The following ADARB1 variants were observed in gnomAD, a reference collection of about 807,000 sequenced individuals.
ADARB1 encodes the protein adenosine deaminase RNA specific B1.
Under a neutral mutation model 52.4 loss-of-function variants are expected in ADARB1, and 10 were observed. The ratio of observed to expected loss-of-function variants is 0.19; its 90% CI spans 0.12 to 0.32. The LOEUF (loss-of-function observed/expected upper bound fraction) is 0.32. ADARB1 is among the 10% of genes least tolerant of loss of function. The probability of loss-of-function intolerance (pLI) is 1.00; values close to 1 mark genes in which losing one functional copy is unlikely to be tolerated. For missense variants in ADARB1, 643 were observed against 922.3 expected (o/e 0.70, Z 3.92); for synonymous variants, 349 against 371.1 (o/e 0.94, Z 0.68).
At chr21:45,185,506 A>G (rs1489103612) in intron 8 of ADARB1, among the ~76,000 whole-genome samples, 3 of 152,200 alleles carry the variant, frequency 2.0e-5, no homozygotes, top group Non-Finnish European at 4.4e-5. Flanking sequence ...GCATTTTAAA[A>G]GTAATGCAAA....
chr21:45,093,724 G>A (rs951011314), intron 1 of ADARB1, among the ~76,000 whole-genome samples: 1 of 152,158 alleles, frequency 6.6e-6, no homozygotes, highest in African/African-American at 2.4e-5. Context: ...GGAATGTCAG[G>A]GTGAAGAGGC....
intron 8 of ADARB1, among the ~76,000 whole-genome samples, chr21:45,187,218 T>G (rs182814217): frequency 6.6e-6 from 1 of 152,208 alleles, no homozygotes; most frequent in Non-Finnish European, 1.5e-5. Flanking sequence ...AATTTTTATT[T>G]TACAAGCCAT....
rs148340992 is a variant in ADARB1 at position 45,161,758 on chromosome 21, G to A, written c.-47-9852G>A. Among the ~76,000 whole-genome samples, 8 of 152,264 alleles carry A rather than the reference G, an allele frequency of 5.3e-5. No homozygotes were observed. In the South Asian group the frequency reaches 6.2e-4, roughly 12 times the overall value. ...GCCCAGGCTGTCAGTTCCACAGACC[G>A]GAGTGAGAACTTACGGTGCTTTTCC... is the stretch of plus-strand genomic sequence containing the variant. On this transcript the variant is annotated intron_variant, in intron 2 of 10. Transcript: ENST00000348831.
chr21:45,215,450 C>G (rs1357587209), intron 9 of ADARB1, among the ~76,000 whole-genome samples: 2 of 151,540 alleles, frequency 1.3e-5, no homozygotes, highest in Non-Finnish European at 2.9e-5. Flanking sequence ...TGGATTTTGT[C>G]TGATGCTTTT....
intron 1 of ADARB1, among the ~76,000 whole-genome samples, chr21:45,097,805 C>T (rs182514065): frequency 2.5e-4 from 38 of 152,202 alleles, no homozygotes; most frequent in East Asian, 1.5e-3. Context: ...AGAGACAAAC[C>T]GCTGCTCCCT....
intron 1 of ADARB1, among the ~76,000 whole-genome samples, chr21:45,093,581 C>T (rs1034855884): frequency 1.3e-5 from 2 of 152,098 alleles, no homozygotes; most frequent in Admixed American, 6.5e-5. Flanking sequence ...AGTGAAGGTT[C>T]GGGGTGTTGG....
rs869284883 is a variant in ADARB1, at chr21:45,124,766, G to GGT, written c.-219-3617_-219-3616dup. Among the ~76,000 whole-genome samples, 210 of 25,572 alleles carry GGT rather than the reference G, an allele frequency of 8.2e-3. 3 individuals carry two copies. Among genetic ancestry groups the GGT allele is most frequent in the African/African-American group, 0.033 (203 of 6,078 alleles). 16.8% of individuals were successfully genotyped at this position (25,572 alleles called of 152,430 possible). On this transcript the variant is annotated intron_variant, in intron 1 of 10. Coordinates refer to ENST00000348831, the MANE Select transcript of ADARB1 (RefSeq NM_001112.4). ...AGTTGTATTTCTTTTCTTTTTAAAT[G>GGT]GTGTGTGTGTGTGTGTGTGTATGTG... is the stretch of plus-strand genomic sequence containing the variant.
rs56318857 is a variant in ADARB1 at position 45,124,785 on chromosome 21, G to A, written c.-219-3617G>A. ...TTAAATGGTGTGTGTGTGTGTGTGTGTATGTGTGTGTGTGTGTGTGTGTGT... is the reference window on the plus strand; with the variant it reads ...TTAAATGGTGTGTGTGTGTGTGTGTATATGTGTGTGTGTGTGTGTGTGTGT... On this transcript the variant is annotated intron_variant, in intron 1 of 10. Coordinates refer to ENST00000348831, the MANE Select transcript of ADARB1 (RefSeq NM_001112.4). 3.1e-3 allele frequency among the ~76,000 whole-genome samples: 318 copies of A among 103,514 alleles called. 2 individuals carry two copies. Among genetic ancestry groups the A allele is most frequent in the African/African-American group, 9.5e-3 (248 of 26,116 alleles). 67.9% of individuals were successfully genotyped at this position (103,514 alleles called of 152,430 possible). A position where few individuals can be genotyped will look rare whatever the true frequency, so the allele number is the denominator to read the frequency against.
At chr21:45,159,676 C>T (rs1207733042) in intron 2 of ADARB1, among the ~76,000 whole-genome samples, 1 of 152,134 alleles carries the variant, frequency 6.6e-6, no homozygotes. Context: ...CGAATAGGCC[C>T]CTTTGCACCT....
chr21:45,171,073 G>A lies in ADARB1; in HGVS notation c.-47-537G>A, dbSNP rs564877897. On this transcript the variant is annotated intron_variant, in intron 2 of 10. Transcript: ENST00000348831. ...TGCTGTGTGGCTTTAGTTTACAGCT[G>A]GAAGCCAAAAGTCTACCCAGAGTAA... Among the ~76,000 whole-genome samples the A allele has an allele frequency of 7.9e-5, 12 of 152,332 alleles. 1 individual carries two copies. In the South Asian group the frequency reaches 2.5e-3, roughly 32 times the overall value.
Position 45,206,988 on chromosome 21 carries a change from A to G in ADARB1, c.1747+2252A>G, listed in dbSNP as rs149514668. Among the ~76,000 whole-genome samples the G allele has an allele frequency of 4.4e-3, 668 of 152,294 alleles. 7 individuals are homozygous for G. The highest frequency in any genetic ancestry group is 8.1e-3 in the Admixed American group (124 of 15,300). On this transcript the variant is annotated intron_variant, in intron 9 of 10. Transcript: ENST00000348831. ...CAGCAGCAGAGAGAGCCTGGGTTGG[A>G]GCCATGAGGCTGCCCCTGCGTCAGC...
chr21:45,119,238 G>A (rs1363806066), intron 1 of ADARB1, among the ~76,000 whole-genome samples: 4 of 152,106 alleles, frequency 2.6e-5, no homozygotes, highest in African/African-American at 2.4e-5. Flanking sequence ...CCACAGTCAC[G>A]TGCCACATTG....
Position 45,225,410 on chromosome 21 carries a change from A to T in ADARB1, c.*3213A>T. The T allele has an allele frequency of 7.7e-7, 1 of 1,295,116 alleles. No homozygotes were observed. The highest frequency in any genetic ancestry group is 9.8e-7 in the Non-Finnish European group (1 of 1,019,502). 80.2% of individuals were successfully genotyped at this position (1,295,116 alleles called of 1,614,324 possible). ...TTTGTAATTAAAAGCAATTATTTTA[A>T]AATGTGCAAGCCAGTATCTCACAAG... On this transcript the variant is annotated 3_prime_UTR_variant, in exon 11 of 11. Coordinates refer to ENST00000348831, the MANE Select transcript of ADARB1 (RefSeq NM_001112.4).
Position 45,220,706 on chromosome 21 carries a change from C to A in ADARB1, c.1748-130C>A. The A allele has an allele frequency of 1.0e-6, 1 of 964,734 alleles. No homozygotes were observed. The highest frequency in any genetic ancestry group is 1.6e-6 in the Non-Finnish European group (1 of 640,258). 59.8% of individuals were successfully genotyped at this position (964,734 alleles called of 1,614,324 possible). ...ATGCACGCTCAAGTCTGCGTATATT[C>A]CTCGGCAGGCAGAATTCCCCCACCA... On this transcript the variant is annotated intron_variant, in intron 9 of 10. Transcript: ENST00000348831. This position sits in a 1 kb window ranked among gnomAD's most constrained non-coding sequence, Gnocchi z 6.3.
intron 1 of ADARB1, among the ~76,000 whole-genome samples, chr21:45,126,791 G>A (rs1371282880): frequency 6.6e-6 from 1 of 152,154 alleles, no homozygotes; most frequent in Non-Finnish European, 1.5e-5. Context: ...TTTAGACTTT[G>A]CAGCTTCCAA....
At chr21:45,140,588 C>T (rs1257815351) in intron 2 of ADARB1, among the ~76,000 whole-genome samples, 2 of 152,124 alleles carry the variant, frequency 1.3e-5, no homozygotes, top group Non-Finnish European at 2.9e-5. Flanking sequence ...GAGCGGTGGC[C>T]ACCAGGACAA....
intron 1 of ADARB1, among the ~76,000 whole-genome samples, chr21:45,093,005 G>A (rs770123310): frequency 2.6e-5 from 4 of 151,720 alleles, no homozygotes; most frequent in Non-Finnish European, 4.4e-5. Flanking sequence ...TAGCCAACAG[G>A]GTAATCTGTT....
At chr21:45,084,982 T>C (rs375543256) in intron 1 of ADARB1, among the ~76,000 whole-genome samples, 1 of 152,162 alleles carries the variant, frequency 6.6e-6, no homozygotes, top group East Asian at 1.9e-4. Context: ...CCTGGGACCA[T>C]GTGCAGTGAG....
At chr21:45,103,149 A>G (rs376061708) in intron 1 of ADARB1, among the ~76,000 whole-genome samples, 2 of 152,218 alleles carry the variant, frequency 1.3e-5, no homozygotes, top group South Asian at 2.1e-4. Context: ...CTAGGGAGCC[A>G]TGACATCTCA....
Sources: gnomAD v4.1 joint callset for allele counts (sites outside exome capture counted in the v4.1 genomes callset) on GRCh38, gnomAD v4.1.1 for gene constraint, Gnocchi (gnomAD v3.1) non-coding constraint, MANE v1.5 for transcripts, NCBI Gene and HGNC (gene_info 2026-07-23, HGNC 2026-07-21) for gene names.